Variants in SYTL2 observed in about 807,000 individuals in gnomAD.
The protein encoded by SYTL2 is synaptotagmin like 2.
SYTL2 carries 165 observed loss-of-function variants against 198.7 expected under a neutral mutation model. The ratio of observed to expected loss-of-function variants is 0.83; its 90% CI spans 0.73 to 0.94. The LOEUF is 0.94. SYTL2 is among the 40% of genes least tolerant of loss of function. SYTL2 has a pLI of 0.00. For missense variants in SYTL2, 2,835 were observed against 2,582.8 expected (o/e 1.10, Z -2.12); for synonymous variants, 966 against 917.7 (o/e 1.05, Z -0.95).
intron 16 of SYTL2, among the ~76,000 whole-genome samples, chr11:85,701,264 A>C (rs2084269495): frequency 6.6e-6 from 1 of 152,218 alleles, no homozygotes; most frequent in Admixed American, 6.5e-5. Flanking sequence ...ACCCAAGTCT[A>C]AACACAAAAT....
the SYTL2 span, chr11:85,853,424 G>C: frequency 5.0e-6 from 2 of 401,064 alleles, no homozygotes; most frequent in Non-Finnish European, 9.7e-6. Context: ...ATTAAGGGCG[G>C]TGCAAGATGG....
chr11:85,780,231 T>C (rs17148473), intron 1 of SYTL2, among the ~76,000 whole-genome samples: 8,697 of 152,116 alleles, frequency 0.057, 787 homozygotes, highest in African/African-American at 0.19. Flanking sequence ...ATCTAAAGAG[T>C]AGGATAATTT....
chr11:85,816,513 TAC>T, the SYTL2 span, among the ~76,000 whole-genome samples: 28 of 152,306 alleles, frequency 1.8e-4, no homozygotes, highest in Admixed American at 4.6e-4. Flanking sequence ...GTTTAATGGA[TAC>T]AGAGTCTCAG....
chr11:85,714,011 G>A (rs938563519), intron 12 of SYTL2, among the ~76,000 whole-genome samples: 4 of 152,164 alleles, frequency 2.6e-5, no homozygotes, highest in Middle Eastern at 3.2e-3. Context: ...ACTCCTTAAA[G>A]CTTGATGTGT....
intron 1 of SYTL2, among the ~76,000 whole-genome samples, chr11:85,782,794 T>C (rs1202103292): frequency 2.6e-5 from 4 of 152,200 alleles, no homozygotes; most frequent in African/African-American, 4.8e-5. Flanking sequence ...ATGCCACCAG[T>C]CTCTTTACCA....
At chr11:85,844,595 C>T in the SYTL2 span, among the ~76,000 whole-genome samples, 1 of 152,154 alleles carries the variant, frequency 6.6e-6, no homozygotes, top group Non-Finnish European at 1.5e-5. Flanking sequence ...TAGAAGACTT[C>T]AGAGATTAGG....
rs369181416 is a variant in SYTL2, at chr11:85,698,240, A to T, written c.6269-162T>A. Among the ~76,000 whole-genome samples, 5 of 152,236 alleles carry T rather than the reference A, an allele frequency of 3.3e-5. No individual in the cohort carries two copies. The East Asian group carries it at 7.7e-4, about 23-fold the overall frequency. The stretch of plus-strand genomic sequence containing the variant: ...TCTATACAGTCTTAACTAAGTCTTC[A>T]TAATCTGGTTTTACTGAACTCGATA... On this transcript the variant is annotated intron_variant, in intron 17 of 19. Coordinates refer to ENST00000359152, the MANE Select transcript of SYTL2 (RefSeq NM_206927.4).
chr11:85,754,784 C>T (rs1243951922), intron 2 of SYTL2, among the ~76,000 whole-genome samples: 4 of 152,208 alleles, frequency 2.6e-5, no homozygotes, highest in South Asian at 2.1e-4. Flanking sequence ...GAGATGCAAA[C>T]GCATGTCAGT....
chr11:85,790,435 C>T lies in SYTL2; in HGVS notation c.-390+20519G>A, dbSNP rs1034987395. The stretch of plus-strand genomic sequence containing the variant: ...ACATTTCTAGACTTCACTTGCTTTA[C>T]TGCATAATATAAAGCATAACTATAA... On this transcript the variant is annotated intron_variant, in intron 1 of 19. Coordinates refer to ENST00000359152, the MANE Select transcript of SYTL2 (RefSeq NM_206927.4). 5.9e-5 allele frequency among the ~76,000 whole-genome samples: 9 copies of T among 152,206 alleles called. No individual in the cohort carries two copies. In the East Asian group the frequency reaches 1.5e-3, roughly 26 times the overall value.
At chr11:85,846,109 T>C in the SYTL2 span, among the ~76,000 whole-genome samples, 1 of 152,156 alleles carries the variant, frequency 6.6e-6, no homozygotes, top group East Asian at 1.9e-4. Flanking sequence ...TCTGGCACTT[T>C]GTGGGTTATA....
At chr11:85,808,153 G>A (rs774174384) in intron 1 of SYTL2, among the ~76,000 whole-genome samples, 4 of 151,964 alleles carry the variant, frequency 2.6e-5, no homozygotes, top group Non-Finnish European at 5.9e-5. Flanking sequence ...TGCAACCTCC[G>A]CCTCCCGGGT....
chr11:85,815,629 A>G (rs980556695), upstream of SYTL2, among the ~76,000 whole-genome samples: 2 of 152,276 alleles, frequency 1.3e-5, no homozygotes, highest in Admixed American at 6.5e-5. Context: ...AAGCGCAGCT[A>G]TTAGTGTCTG....
the SYTL2 span, among the ~76,000 whole-genome samples, chr11:85,839,906 G>A: frequency 1.3e-5 from 2 of 152,184 alleles, no homozygotes; most frequent in Admixed American, 6.5e-5. Flanking sequence ...CACCAACAGT[G>A]TACAAGGATT....
At chr11:85,759,389 T>C (rs192988060) in intron 1 of SYTL2, among the ~76,000 whole-genome samples, 241 of 152,358 alleles carry the variant, frequency 1.6e-3, no homozygotes, top group Non-Finnish European at 2.8e-3. Context: ...TACCACTTAC[T>C]AGCTATAAGT....
the SYTL2 span, among the ~76,000 whole-genome samples, chr11:85,828,298 C>G: frequency 6.6e-6 from 1 of 152,060 alleles, no homozygotes; most frequent in African/African-American, 2.4e-5. Flanking sequence ...ACACTAAGGT[C>G]AACATATTCC....
intron 1 of SYTL2, among the ~76,000 whole-genome samples, chr11:85,784,434 G>C (rs2092606463): frequency 6.6e-6 from 1 of 151,634 alleles, no homozygotes; most frequent in African/African-American, 2.4e-5. Context: ...AAATAACAGA[G>C]ATGTGAAGAA....
Position 85,725,363 on chromosome 11 carries a change from A to C in SYTL2, c.3995T>G (p.Leu1332Arg), listed in dbSNP as rs781195353. 29 of 1,613,862 alleles carry C rather than the reference A, an allele frequency of 1.8e-5. No homozygotes were observed. The highest frequency in any genetic ancestry group is 1.0e-4 in the Admixed American group (6 of 60,002). ...GDVASPPQDM[L>R]FPQDAHLVPQ... ...AACAAGATGAGCATCCTGGGGAAAA[A>C]GCATATCTTGGGGAGGGCTGGCCAC... is the stretch of plus-strand genomic sequence containing the variant. Residue 1332 changes from leucine to arginine, a missense_variant, in exon 8 of 20, where the codon CTT becomes CGT. Around this residue, in one of 3 missense-constraint regions of SYTL2, gnomAD observed 2,645 missense variants for 2,381.7 expected, o/e 1.11. Coordinates refer to ENST00000359152, the MANE Select transcript of SYTL2 (RefSeq NM_206927.4).
intron 1 of SYTL2, among the ~76,000 whole-genome samples, chr11:85,778,423 G>A (rs532023312): frequency 5.9e-5 from 9 of 152,292 alleles, no homozygotes; most frequent in South Asian, 2.1e-4. Flanking sequence ...AATTTAAACC[G>A]TCTTTTCCAT....
chr11:85,833,039 G>T, the SYTL2 span, among the ~76,000 whole-genome samples: 30 of 20,874 alleles, frequency 1.4e-3, no homozygotes, highest in African/African-American at 6.6e-3. Context: ...AAGAAAGAAA[G>T]AAAGAAAGAA....
Sources: allele counts gnomAD v4.1 joint callset (sites outside exome capture counted in the v4.1 genomes callset), GRCh38; gene constraint gnomAD v4.1.1; regional missense constraint gnomAD v4.1.1; transcripts MANE v1.5; gene names NCBI Gene and HGNC (gene_info 2026-07-23, HGNC 2026-07-21).